Variants in OCA2 observed in about 807,000 individuals in gnomAD.
OCA2 encodes the protein P protein.
A neutral mutation model predicts 100.2 loss-of-function variants in OCA2; 77 were observed. That is an observed-to-expected ratio of 0.77 (90% CI 0.64 to 0.93). OCA2 has a LOEUF of 0.93. Ranked by LOEUF, OCA2 falls within the 40% of genes least tolerant of loss-of-function variation. The pLI is 0.00. For missense variants in OCA2, 1,062 were observed against 1,089.1 expected, an observed-to-expected ratio of 0.98 and a Z score of 0.35; for synonymous variants, 432 against 439.2, an observed-to-expected ratio of 0.98 and a Z score of 0.21.
In OCA2 at chr15:27,966,722, T is replaced by C. The variant is rs910200898; in HGVS notation, c.1604A>G (p.Lys535Arg). 1.2e-6 allele frequency: 2 copies of C among 1,613,996 alleles called. No individual in the cohort carries two copies. Among genetic ancestry groups the C allele is most frequent in the African/African-American group, 2.7e-5 (2 of 75,018 alleles). Residue 535 changes from lysine to arginine, a missense_variant, in exon 15 of 24, where the codon AAG becomes AGG. Lys to Arg is a conservative substitution (Grantham distance 26). Coordinates refer to ENST00000354638, the MANE Select transcript of OCA2 (RefSeq NM_000275.3). ...CTCACTGGGTTCCTTGTTATAAAGC[T>C]TTCTGTTCCAGTAAAGGAGTCTGAG... is the stretch of plus-strand genomic sequence containing the variant. ...PLLRLLYWNRKLYNKEPSEIV... is the reference protein window; with the variant it reads ...PLLRLLYWNRRLYNKEPSEIV...
At chr15:27,966,884 C>T in intron 14 of OCA2, 62 bp from the exon 15 acceptor site, 1 of 1,546,538 alleles carries the variant, frequency 6.5e-7, no homozygotes, top group Non-Finnish European at 8.8e-7. Flanking sequence ...GCCTGTAATC[C>T]CAGCACTTTC....
At chr15:28,011,991 G>GA (rs1028696217) in intron 9 of OCA2, among the ~76,000 whole-genome samples, 8 of 148,700 alleles carry the variant, frequency 5.4e-5, no homozygotes, top group African/African-American at 2.0e-4. Context: ...AAAAAAAAAG[G>GA]AAAAAAAATT....
intron 9 of OCA2, among the ~76,000 whole-genome samples, chr15:28,004,108 A>G (rs1051840929): frequency 2.0e-5 from 3 of 152,162 alleles, no homozygotes; most frequent in Non-Finnish European, 2.9e-5. Context: ...TGATCCTTCC[A>G]TTTACCAAAG....
chr15:27,843,625 C>T (rs989053407), intron 23 of OCA2, among the ~76,000 whole-genome samples: 7 of 152,128 alleles, frequency 4.6e-5, no homozygotes, highest in Non-Finnish European at 7.3e-5. Context: ...CACCGGGAGA[C>T]GCACATTCAG....
intron 23 of OCA2, among the ~76,000 whole-genome samples, chr15:27,779,413 AATGCTT>A (rs2032418002): frequency 6.6e-6 from 1 of 152,156 alleles, no homozygotes; most frequent in Admixed American, 6.5e-5. Flanking sequence ...CAGTTCTGTC[AATGCTT>A]ACTTTATATA....
At chr15:27,859,834 G>C (rs980226522) in intron 21 of OCA2, among the ~76,000 whole-genome samples, 1 of 152,032 alleles carries the variant, frequency 6.6e-6, no homozygotes, top group Non-Finnish European at 1.5e-5. Context: ...GACATCGATG[G>C]AAAGACCCCA....
chr15:28,022,415 G>A, intron 6 of OCA2, 86 bp downstream of exon 6: 1 of 973,934 alleles, frequency 1.0e-6, no homozygotes, highest in Non-Finnish European at 1.7e-6. Flanking sequence ...GTGGCCTTCA[G>A]CAGCAGTCAC....
intron 23 of OCA2, among the ~76,000 whole-genome samples, chr15:27,762,088 G>GT (rs1397475330): frequency 2.6e-5 from 4 of 152,104 alleles, no homozygotes; most frequent in African/African-American, 9.7e-5. Context: ...GTGCAGTTTC[G>GT]TAACATGGAC....
chr15:28,096,999 G>A (rs1020720737), intron 1 of OCA2, among the ~76,000 whole-genome samples: 3 of 152,268 alleles, frequency 2.0e-5, no homozygotes, highest in African/African-American at 7.2e-5. Flanking sequence ...AGCCTCCTCT[G>A]CTACCCCAGC....
At chr15:27,763,700 C>A (rs1353379864) in intron 23 of OCA2, among the ~76,000 whole-genome samples, 1 of 152,152 alleles carries the variant, frequency 6.6e-6, no homozygotes, top group East Asian at 1.9e-4. Flanking sequence ...GAGGCAGGCA[C>A]CCTCCTGGGA....
At chr15:27,880,594 C>T (rs976793110) in intron 19 of OCA2, among the ~76,000 whole-genome samples, 3 of 152,018 alleles carry the variant, frequency 2.0e-5, no homozygotes, top group Non-Finnish European at 4.4e-5. Flanking sequence ...AGCTGTATTC[C>T]TAGGTTTTTT....
chr15:27,728,033 C>T, the OCA2 span, among the ~76,000 whole-genome samples: 1 of 152,168 alleles, frequency 6.6e-6, no homozygotes, highest in Non-Finnish European at 1.5e-5. Flanking sequence ...AAGGCATTCA[C>T]CTCCTCTTAA....
intron 19 of OCA2, among the ~76,000 whole-genome samples, chr15:27,919,518 G>A (rs1232923285): frequency 2.6e-5 from 4 of 152,160 alleles, no homozygotes; most frequent in Admixed American, 2.6e-4. Flanking sequence ...AGAGGCCAAT[G>A]TGAAAAGACC....
At chr15:27,826,054 CA>C (rs2034709242) in intron 23 of OCA2, among the ~76,000 whole-genome samples, 1 of 152,172 alleles carries the variant, frequency 6.6e-6, no homozygotes, top group Non-Finnish European at 1.5e-5. Context: ...CAAGTAAATA[CA>C]AGGACTACCC....
intron 6 of OCA2, among the ~76,000 whole-genome samples, chr15:28,021,003 A>G (rs2042577069): frequency 6.6e-6 from 1 of 152,242 alleles, no homozygotes; most frequent in Non-Finnish European, 1.5e-5. Flanking sequence ...GCAACAGATT[A>G]CAGCAACTGC....
At chr15:27,883,932 A>G (rs1388711229) in intron 19 of OCA2, among the ~76,000 whole-genome samples, 1 of 152,182 alleles carries the variant, frequency 6.6e-6, no homozygotes, top group African/African-American at 2.4e-5. Flanking sequence ...AACAGCTGAC[A>G]TATTTAGCAA....
intron 23 of OCA2, among the ~76,000 whole-genome samples, chr15:27,841,572 A>C (rs2035344354): frequency 6.6e-6 from 1 of 152,232 alleles, no homozygotes; most frequent in South Asian, 2.1e-4. Context: ...AATGGAGCTA[A>C]AGTTTATCCA....
In OCA2 at chr15:27,973,823, T is replaced by G. The variant is rs562417637; in HGVS notation, c.1504-7001A>C. 9.2e-5 allele frequency among the ~76,000 whole-genome samples: 14 copies of G among 152,350 alleles called. No homozygotes were observed. In the South Asian group the frequency reaches 2.9e-3, roughly 32 times the overall value. ...ACTCTTCCAATCCATAAGTATGGGA[T>G]GCATTTCCATTTGTTTGTGTCATCT... is the stretch of plus-strand genomic sequence containing the variant. On this transcript the variant is annotated intron_variant, in intron 14 of 23. Transcript: ENST00000354638.
chr15:27,747,597 G>GT, the OCA2 span, among the ~76,000 whole-genome samples: 5 of 152,130 alleles, frequency 3.3e-5, no homozygotes, highest in African/African-American at 1.2e-4. Flanking sequence ...CCAGACGTCA[G>GT]TTTTTATGGA....
Sources: allele counts gnomAD v4.1 joint callset (sites outside exome capture counted in the v4.1 genomes callset), GRCh38; gene constraint gnomAD v4.1.1; transcripts MANE v1.5; gene names NCBI Gene and HGNC (gene_info 2026-07-23, HGNC 2026-07-21).